The following PALS2 variants were observed in gnomAD, a reference collection of about 807,000 sequenced individuals.
The protein encoded by PALS2 is protein associated with LIN7 2, MAGUK p55 family member.
In PALS2, 27 loss-of-function variants were observed where a neutral mutation model predicts 61.6. That is an observed-to-expected ratio of 0.44 (90% CI 0.32 to 0.60). The LOEUF (loss-of-function observed/expected upper bound fraction) is 0.60, where lower values mean the gene tolerates loss of function less well. Among genes scored for constraint, PALS2 ranks in the 20% least tolerant of loss-of-function variants. The pLI is 0.05. For missense variants in PALS2, 554 were observed against 639.4 expected (o/e 0.87, Z 1.44); for synonymous variants, 236 against 218.6 (o/e 1.08, Z -0.70).
intron 3 of PALS2, among the ~76,000 whole-genome samples, chr7:24,649,347 C>G (rs1015268303): frequency 6.6e-6 from 1 of 152,042 alleles, no homozygotes; most frequent in African/African-American, 2.4e-5. Context: ...TTCCAGTGAA[C>G]TTGCCAGTTT....
chr7:24,681,107 A>G (rs1787902661), intron 11 of PALS2, among the ~76,000 whole-genome samples: 1 of 152,160 alleles, frequency 6.6e-6, no homozygotes, highest in Admixed American at 6.5e-5. Flanking sequence ...TCATTTTACT[A>G]GTGGGGTAAC....
In PALS2 at chr7:24,623,707, T is replaced by C. The variant is rs1291810524; in HGVS notation, c.40T>C (p.Ser14Pro). ...VLENLTELPS[S>P]TGAEEIDLIF... is the part of the protein sequence containing the mutation. ...GGAAAACCTTACGGAGCTGCCCTCGTCTACTGGAGCAGAAGAAATAGACCT... is the reference window on the plus strand; with the variant it reads ...GGAAAACCTTACGGAGCTGCCCTCGCCTACTGGAGCAGAAGAAATAGACCT... The change falls in exon 2 of 12, where the codon TCT (serine) becomes CCT (proline). Residue 14 changes from serine to proline, a missense_variant. Transcript: ENST00000222644. The C allele has an allele frequency of 6.2e-7, 1 of 1,607,760 alleles. No individual in the cohort carries two copies. The highest frequency in any genetic ancestry group is 8.5e-7 in the Non-Finnish European group (1 of 1,177,662).
At chr7:24,614,986 C>T (rs778501260) in intron 1 of PALS2, among the ~76,000 whole-genome samples, 1 of 151,760 alleles carries the variant, frequency 6.6e-6, no homozygotes, top group African/African-American at 2.4e-5. Flanking sequence ...AAACCAGTAA[C>T]AAGAGAAACA....
At chr7:24,628,314 C>G (rs1352276355) in intron 2 of PALS2, among the ~76,000 whole-genome samples, 1 of 152,076 alleles carries the variant, frequency 6.6e-6, no homozygotes, top group Non-Finnish European at 1.5e-5. Context: ...CAAAATTCAG[C>G]CCCTCTTCAT....
rs1584030456 is a variant in PALS2 at position 24,692,785 on chromosome 7, C to T, written c.*5171C>T. ...TACACCAGAAGACTCTGATCTTTGC[C>T]CCCGAAAACTGTCCTACTTTATCCT... On this transcript the variant is annotated 3_prime_UTR_variant, in exon 12 of 12. Coordinates refer to ENST00000222644, the MANE Select transcript of PALS2 (RefSeq NM_001303037.2). 6.6e-6 allele frequency: 1 copy of T among 152,104 alleles called. No homozygotes were observed. Among genetic ancestry groups the T allele is most frequent in the African/African-American group, 2.4e-5 (1 of 41,424 alleles). The allele number at this position is 152,104 out of a possible 1,614,324, so 9.4% of individuals were successfully genotyped here.
At chr7:24,643,438 A>G (rs574601022) in intron 3 of PALS2, among the ~76,000 whole-genome samples, 1 of 152,268 alleles carries the variant, frequency 6.6e-6, no homozygotes, top group South Asian at 2.1e-4. Flanking sequence ...GCACAAATGT[A>G]CATATATAAT....
intron 1 of PALS2, among the ~76,000 whole-genome samples, chr7:24,613,301 C>A (rs1784178769): frequency 6.6e-6 from 1 of 151,528 alleles, no homozygotes; most frequent in Admixed American, 6.6e-5. Flanking sequence ...TTTTTTACTT[C>A]TTTCTTTGAT....
intron 1 of PALS2, among the ~76,000 whole-genome samples, chr7:24,601,263 A>C (rs1783710792): frequency 6.6e-6 from 1 of 152,194 alleles, no homozygotes; most frequent in Admixed American, 6.5e-5. Flanking sequence ...CAGATCCACT[A>C]GTAAATTGTA....
chr7:24,672,243 G>GTTTTGTT (rs1787335983), intron 9 of PALS2, among the ~76,000 whole-genome samples: 1 of 148,992 alleles, frequency 6.7e-6, no homozygotes, highest in African/African-American at 2.5e-5. Context: ...GTTTTGTTTT[G>GTTTTGTT]TTGAGATGGA....
intron 1 of PALS2, among the ~76,000 whole-genome samples, chr7:24,579,253 A>G (rs753720191): frequency 3.6e-4 from 55 of 152,354 alleles, no homozygotes; most frequent in Non-Finnish European, 6.6e-4. Context: ...ACAGATGGAA[A>G]ATGTTTGATA....
At chr7:24,658,236 A>C (rs979011195) in intron 5 of PALS2, among the ~76,000 whole-genome samples, 3 of 152,028 alleles carry the variant, frequency 2.0e-5, no homozygotes, top group African/African-American at 7.2e-5. Flanking sequence ...TTTTCATCTC[A>C]GATATTTTGG....
intron 5 of PALS2, among the ~76,000 whole-genome samples, chr7:24,660,808 A>G (rs1249713035): frequency 6.6e-6 from 1 of 152,240 alleles, no homozygotes; most frequent in Non-Finnish European, 1.5e-5. Context: ...TTGTCCTCCC[A>G]AGAGGTTGAA....
intron 3 of PALS2, among the ~76,000 whole-genome samples, chr7:24,643,297 A>G: frequency 6.6e-6 from 1 of 152,172 alleles, no homozygotes; most frequent in Non-Finnish European, 1.5e-5. Flanking sequence ...ATAAGCACAT[A>G]CATTATATGA....
intron 9 of PALS2, among the ~76,000 whole-genome samples, chr7:24,678,430 T>C (rs1787739742): frequency 6.6e-6 from 1 of 152,108 alleles, no homozygotes; most frequent in African/African-American, 2.4e-5. Context: ...AAGTATAAAA[T>C]AGAACAGTTA....
chr7:24,580,586 A>G (rs1453516502), intron 1 of PALS2, among the ~76,000 whole-genome samples: 1 of 152,138 alleles, frequency 6.6e-6, no homozygotes. Flanking sequence ...ATATTCAGGC[A>G]TGGTTCTCCA....
chr7:24,637,396 T>C (rs1193790409), intron 2 of PALS2, among the ~76,000 whole-genome samples: 1 of 151,962 alleles, frequency 6.6e-6, no homozygotes, highest in Non-Finnish European at 1.5e-5. Flanking sequence ...CTGTCTCATT[T>C]CTACTTTCTG....
chr7:24,577,537 CT>C (rs1220397070), intron 1 of PALS2, among the ~76,000 whole-genome samples: 1 of 152,124 alleles, frequency 6.6e-6, no homozygotes, highest in East Asian at 1.9e-4. Flanking sequence ...CAATTTACAT[CT>C]TTTCCTCTTA....
At chr7:24,591,671 C>T (rs560446510) in intron 1 of PALS2, among the ~76,000 whole-genome samples, 7 of 152,186 alleles carry the variant, frequency 4.6e-5, no homozygotes, top group African/African-American at 1.4e-4. Context: ...AATGCTGAGC[C>T]GTGTTGCTTC....
Position 24,596,593 on chromosome 7 carries a change from T to G in PALS2, c.-3+23000T>G, listed in dbSNP as rs1394152957. On this transcript the variant is annotated intron_variant, in intron 1 of 11. Transcript: ENST00000222644. The surrounding 1 kb of genome is among the most constrained non-coding windows in gnomAD (Gnocchi z 4.5). ...CATATTTTCTTGTAAAATAATGAAG[T>G]TTTGACTTGCTTTGTTAATTAGTGG... Among the ~76,000 whole-genome samples, 1 of 152,136 alleles carries G rather than the reference T, an allele frequency of 6.6e-6. No individual in the cohort carries two copies. The highest frequency in any genetic ancestry group is 1.5e-5 in the Non-Finnish European group (1 of 68,014).
Sources: gnomAD v4.1 joint callset for allele counts (sites outside exome capture counted in the v4.1 genomes callset) on GRCh38, gnomAD v4.1.1 for gene constraint, Gnocchi (gnomAD v3.1) non-coding constraint, MANE v1.5 for transcripts, NCBI Gene and HGNC (gene_info 2026-07-23, HGNC 2026-07-21) for gene names.